Variants in CENPP observed in about 807,000 individuals in gnomAD.
CENPP encodes the protein centromere protein P.
CENPP carries 24 observed loss-of-function variants against 35.6 expected under a neutral mutation model. That is an observed-to-expected ratio of 0.67 (90% CI 0.49 to 0.95). CENPP has a LOEUF of 0.95. Among genes scored for constraint, CENPP ranks in the 40% least tolerant of loss-of-function variants. The pLI is 0.00. For synonymous variants in CENPP, 120 were observed against 125.5 expected (o/e 0.96, Z 0.29); for missense variants, 332 against 345.3 (o/e 0.96, Z 0.31).
rs181408453 is a variant in CENPP at position 92,354,125 on chromosome 9, G to A, written c.467+8338G>A. Among the ~76,000 whole-genome samples the A allele has an allele frequency of 2.0e-3, 312 of 152,282 alleles. 2 individuals are homozygous for A. The highest frequency in any genetic ancestry group is 3.5e-3 in the Non-Finnish European group (240 of 68,026). On this transcript the variant is annotated intron_variant, in intron 4 of 7. Coordinates refer to ENST00000375587, the MANE Select transcript of CENPP (RefSeq NM_001012267.3). The stretch of plus-strand genomic sequence containing the variant: ...GCAATGCTGTATGGCATACTGTGAT[G>A]GTGGATAAGGCATTCTGTGAGTCCA...
At chr9:92,376,690 C>T (rs1027104614) in intron 4 of CENPP, among the ~76,000 whole-genome samples, 1 of 152,184 alleles carries the variant, frequency 6.6e-6, no homozygotes, top group Non-Finnish European at 1.5e-5. Flanking sequence ...GATGGGTTCT[C>T]TACTGGGCCA....
chr9:92,413,706 T>A (rs1283423477), intron 5 of CENPP, among the ~76,000 whole-genome samples: 1 of 152,124 alleles, frequency 6.6e-6, no homozygotes, highest in Non-Finnish European at 1.5e-5. Flanking sequence ...TGTTTATTGA[T>A]CCCTTATTGC....
intron 5 of CENPP, among the ~76,000 whole-genome samples, chr9:92,471,118 G>A (rs1350059927): frequency 2.0e-5 from 3 of 152,082 alleles, no homozygotes; most frequent in Non-Finnish European, 2.9e-5. Flanking sequence ...ACCTTTGGCT[G>A]AGGAATGTTA....
intron 5 of CENPP, among the ~76,000 whole-genome samples, chr9:92,446,220 C>G (rs974661745): frequency 1.3e-5 from 2 of 152,086 alleles, no homozygotes; most frequent in Non-Finnish European, 2.9e-5. Flanking sequence ...CCTCTTTAGA[C>G]CCTCTATAAT....
chr9:92,373,939 CT>C (rs1554754769), intron 4 of CENPP, among the ~76,000 whole-genome samples: 1 of 152,014 alleles, frequency 6.6e-6, no homozygotes, highest in Non-Finnish European at 1.5e-5. Context: ...TGTTTTCTTG[CT>C]TTTCATGTAC....
rs1327036104 is a variant in CENPP, at chr9:92,614,790, C to T, written c.*1641C>T. The stretch of plus-strand genomic sequence containing the variant: ...TGAAACCAAGATTCCCAACGTTTTT[C>T]ATAGCAGCCGGGCACACTTTGGTGA... On this transcript the variant is annotated 3_prime_UTR_variant, in exon 8 of 8. Transcript: ENST00000375587. 2 of 152,648 alleles carry T rather than the reference C, an allele frequency of 1.3e-5. No homozygotes were observed. The highest frequency in any genetic ancestry group is 4.8e-5 in the African/African-American group (2 of 41,450). The allele number at this position is 152,648 out of a possible 1,614,324, so 9.5% of individuals were successfully genotyped here.
chr9:92,612,468 A>G (rs1851289726), intron 6 of CENPP, 55 bp from the exon 7 acceptor site: 1 of 1,414,292 alleles, frequency 7.1e-7, no homozygotes, highest in Admixed American at 1.7e-5. Context: ...ATGGTTGCTA[A>G]TCTTTTCGCC....
chr9:92,575,417 A>G (rs1221529199), intron 5 of CENPP, among the ~76,000 whole-genome samples: 1 of 152,216 alleles, frequency 6.6e-6, no homozygotes, highest in East Asian at 1.9e-4. Flanking sequence ...AAGAACATAT[A>G]CACAAATGGC....
rs573456779 is a variant in CENPP, at chr9:92,530,533, A to T, written c.565-80781A>T. On this transcript the variant is annotated intron_variant, in intron 5 of 7. Coordinates refer to ENST00000375587, the MANE Select transcript of CENPP (RefSeq NM_001012267.3). The stretch of plus-strand genomic sequence containing the variant: ...TTTAATACTATTAACCTATTTGTTC[A>T]AATTGTCCTAATAATTTGCCTTGTT... Among the ~76,000 whole-genome samples, 42 of 152,332 alleles carry T rather than the reference A, an allele frequency of 2.8e-4. No individual in the cohort carries two copies. The South Asian group carries it at 8.5e-3, about 31-fold the overall frequency.
intron 5 of CENPP, among the ~76,000 whole-genome samples, chr9:92,552,689 A>G (rs1464057141): frequency 6.6e-6 from 1 of 151,350 alleles, no homozygotes; most frequent in Admixed American, 6.6e-5. Flanking sequence ...TTTTGATAGG[A>G]TTGTTTTTTT....
intron 5 of CENPP, among the ~76,000 whole-genome samples, chr9:92,421,896 C>A (rs1447600178): frequency 2.0e-5 from 3 of 152,020 alleles, no homozygotes; most frequent in Non-Finnish European, 2.9e-5. Context: ...CTCAGCCTTA[C>A]GGAGACAGGA....
chr9:92,375,093 A>T (rs1842094323), intron 4 of CENPP, among the ~76,000 whole-genome samples: 1 of 152,130 alleles, frequency 6.6e-6, no homozygotes, highest in South Asian at 2.1e-4. Flanking sequence ...TTTTTCATCC[A>T]GAGGGATTTG....
rs1843549137 is a variant in CENPP at position 92,415,073 on chromosome 9, GT to G, written c.564+35215del. 2.8e-6 allele frequency: 3 copies of G among 1,071,010 alleles called. No individual in the cohort carries two copies. The South Asian group carries it at 5.3e-5, about 19-fold the overall frequency. The allele number at this position is 1,071,010 out of a possible 1,614,324, so 66.3% of individuals were successfully genotyped here. On this transcript the variant is annotated intron_variant, in intron 5 of 7. Coordinates refer to ENST00000375587, the MANE Select transcript of CENPP (RefSeq NM_001012267.3). The stretch of plus-strand genomic sequence containing the variant: ...CATAATTCTAAATATATTACTTTGA[GT>G]AATACATGTTTACTTAGATTTACTA...
At chr9:92,403,196 G>C in intron 5 of CENPP, 1 of 1,390,324 alleles carries the variant, frequency 7.2e-7, no homozygotes, top group Non-Finnish European at 9.9e-7. Flanking sequence ...TAAATGGGCA[G>C]TATTTTAGAA....
chr9:92,369,651 T>C (rs1262917242), intron 4 of CENPP, among the ~76,000 whole-genome samples: 1 of 152,230 alleles, frequency 6.6e-6, no homozygotes, highest in Non-Finnish European at 1.5e-5. Context: ...GTTATTGGTG[T>C]ATAAAAACAC....
chr9:92,615,527 G>C lies in CENPP; in HGVS notation c.*2378G>C, dbSNP rs959089361. ...TTAGAATAAGGCTTTTCGCATTAGA[G>C]AATCAGACATGAGCCCTGGTTGGGA... On this transcript the variant is annotated 3_prime_UTR_variant, in exon 8 of 8. Transcript: ENST00000375587. 3.8e-5 allele frequency: 12 copies of C among 315,630 alleles called. No homozygotes were observed. Among genetic ancestry groups the C allele is most frequent in the South Asian group, 8.0e-5 (2 of 25,028 alleles). 19.6% of individuals were successfully genotyped at this position (315,630 alleles called of 1,614,324 possible).
intron 5 of CENPP, among the ~76,000 whole-genome samples, chr9:92,419,635 C>T (rs959948989): frequency 3.3e-5 from 5 of 152,114 alleles, no homozygotes; most frequent in African/African-American, 1.2e-4. Context: ...TCCGCCTGGT[C>T]GTTGTTAGCA....
At chr9:92,497,223 C>T (rs545145599) in intron 5 of CENPP, among the ~76,000 whole-genome samples, 16 of 152,218 alleles carry the variant, frequency 1.1e-4, no homozygotes, top group Middle Eastern at 3.4e-3. Context: ...TCTATCAATA[C>T]GGAACTGATT....
intron 5 of CENPP, among the ~76,000 whole-genome samples, chr9:92,489,929 C>T (rs1273012638): frequency 6.6e-6 from 1 of 152,186 alleles, no homozygotes; most frequent in African/African-American, 2.4e-5. Context: ...TGTGCAGAGC[C>T]CTGTCTTAGT....
Sources: allele counts gnomAD v4.1 joint callset (sites outside exome capture counted in the v4.1 genomes callset), GRCh38; gene constraint gnomAD v4.1.1; transcripts MANE v1.5; gene names NCBI Gene and HGNC (gene_info 2026-07-23, HGNC 2026-07-21).